Variants in CBL observed in about 807,000 individuals in gnomAD.
CBL encodes E3 ubiquitin-protein ligase CBL.
Under a neutral mutation model 96.9 loss-of-function variants are expected in CBL, and 45 were observed. That is an observed-to-expected ratio of 0.46 (90% CI 0.37 to 0.60). The LOEUF is 0.60. Ranked by LOEUF, CBL falls within the 20% of genes least tolerant of loss-of-function variation. CBL has a pLI of 0.00. For synonymous variants in CBL, 420 were observed against 426.8 expected (o/e 0.98, Z 0.20); for missense variants, 1,024 against 1,143.5 (o/e 0.90, Z 1.51).
At chr11:119,214,814 A>T (rs1384338427) in intron 1 of CBL, among the ~76,000 whole-genome samples, 1 of 151,348 alleles carries the variant, frequency 6.6e-6, no homozygotes, top group African/African-American at 2.4e-5. Context: ...CTCGCCCATT[A>T]GAGCTCCTTA....
intron 1 of CBL, among the ~76,000 whole-genome samples, chr11:119,208,755 A>T (rs886633645): frequency 6.6e-6 from 1 of 152,190 alleles, no homozygotes; most frequent in Non-Finnish European, 1.5e-5. Flanking sequence ...ATACAGAGTA[A>T]GTTGTAGATA....
intron 2 of CBL, 48 bp from the exon 3 acceptor site, chr11:119,271,687 A>G (rs1391466460): frequency 6.5e-7 from 1 of 1,540,414 alleles, no homozygotes; most frequent in Non-Finnish European, 9.0e-7. Context: ...TGCATTTAAA[A>G]TAAAAATAAT....
chr11:119,290,495 C>T (rs984187861), intron 12 of CBL, among the ~76,000 whole-genome samples: 5 of 149,370 alleles, frequency 3.3e-5, no homozygotes, highest in African/African-American at 1.2e-4. Context: ...ACTAAAAATA[C>T]AAAAAAATTA....
At chr11:119,207,807 G>T (rs902205396) in intron 1 of CBL, among the ~76,000 whole-genome samples, 45 of 152,238 alleles carry the variant, frequency 3.0e-4, no homozygotes, top group African/African-American at 1.1e-3. Flanking sequence ...GGTAAAATTT[G>T]GTTTTCTTTG....
chr11:119,222,829 A>C (rs1042412690), intron 1 of CBL, among the ~76,000 whole-genome samples: 1 of 152,152 alleles, frequency 6.6e-6, no homozygotes, highest in Non-Finnish European at 1.5e-5. Flanking sequence ...AAAAGAGGTT[A>C]TACATAATAA....
rs1950149006 is a variant in CBL, at chr11:119,307,044, T to A, written c.*7263T>A. ...GGAAATACCAGAGTCTGAGCTCCTC[T>A]ACCTTGAGTTTCATTAGTCCTTAGT... is the stretch of plus-strand genomic sequence containing the variant. On this transcript the variant is annotated 3_prime_UTR_variant, in exon 16 of 16. Coordinates refer to ENST00000264033, the MANE Select transcript of CBL (RefSeq NM_005188.4). 4.4e-6 allele frequency: 1 copy of A among 229,080 alleles called. No homozygotes were observed. Among genetic ancestry groups the A allele is most frequent in the Non-Finnish European group, 8.7e-6 (1 of 115,202 alleles). 14.2% of individuals were successfully genotyped at this position (229,080 alleles called of 1,614,324 possible).
At chr11:119,299,448 G>T (rs1220044601) in intron 15 of CBL, 47 bp from the exon 16 acceptor site, 1 of 1,543,582 alleles carries the variant, frequency 6.5e-7, no homozygotes, top group African/African-American at 1.4e-5. Context: ...GTTGTTAAAT[G>T]AGGATTTCCC....
At chr11:119,219,845 G>A (rs542126554) in intron 1 of CBL, among the ~76,000 whole-genome samples, 2 of 129,736 alleles carry the variant, frequency 1.5e-5, no homozygotes, top group East Asian at 5.5e-4. Flanking sequence ...CACCACGCCC[G>A]ACTATTTTTT....
intron 1 of CBL, among the ~76,000 whole-genome samples, chr11:119,210,244 C>T (rs951391642): frequency 3.3e-5 from 5 of 151,898 alleles, no homozygotes; most frequent in African/African-American, 1.2e-4. Context: ...ACATATTAGC[C>T]AGGCGTGGTG....
At chr11:119,263,723 T>G (rs1325662515) in intron 2 of CBL, among the ~76,000 whole-genome samples, 1 of 152,236 alleles carries the variant, frequency 6.6e-6, no homozygotes, top group Non-Finnish European at 1.5e-5. Context: ...CTTCATTGAC[T>G]TCCTGTGAGG....
intron 6 of CBL, among the ~76,000 whole-genome samples, chr11:119,277,072 C>G (rs1188142307): frequency 6.6e-6 from 1 of 152,056 alleles, no homozygotes; most frequent in Non-Finnish European, 1.5e-5. Flanking sequence ...ATGGCAAAAC[C>G]CTGTCTGTAC....
At chr11:119,249,508 C>T (rs374916646) in intron 2 of CBL, among the ~76,000 whole-genome samples, 27 of 146,778 alleles carry the variant, frequency 1.8e-4, no homozygotes, top group African/African-American at 3.3e-4. Flanking sequence ...TGAGGTGAGA[C>T]GCCACTGCAC....
chr11:119,253,554 T>A (rs970640977), intron 2 of CBL, among the ~76,000 whole-genome samples: 1 of 96 alleles, frequency 0.01, no homozygotes, highest in African/African-American at 0.05. Flanking sequence ...TAATCTCACC[T>A]ACTCGGGAGG....
Position 119,245,956 on chromosome 11 carries a change from C to CTTTTT in CBL, c.443+13291_443+13295dup, listed in dbSNP as rs71048054. 7.2e-3 allele frequency among the ~76,000 whole-genome samples: 390 copies of CTTTTT among 54,314 alleles called. 54 individuals are homozygous for CTTTTT. The highest frequency in any genetic ancestry group is 0.012 in the Admixed American group (33 of 2,728). The allele number at this position is 54,314 out of a possible 152,430, so 35.6% of individuals were successfully genotyped here. A position where few individuals can be genotyped will look rare whatever the true frequency, so the allele number is the denominator to read the frequency against. ...TAAGACAGACGCATTCTTTGCAAAT[C>CTTTTT]TTTTTTTTTTTTTTTTTTTTTTTTT... On this transcript the variant is annotated intron_variant, in intron 2 of 15. Coordinates refer to ENST00000264033, the MANE Select transcript of CBL (RefSeq NM_005188.4).
At chr11:119,243,920 G>T (rs1442726143) in intron 2 of CBL, among the ~76,000 whole-genome samples, 1 of 151,708 alleles carries the variant, frequency 6.6e-6, no homozygotes, top group Admixed American at 6.6e-5. Flanking sequence ...GTGGACATCG[G>T]GTCTCACTGT....
rs756706636 is a variant in CBL, at chr11:119,206,444, TG to T, written c.31del (p.Ala11ProfsTer15). 6.3e-7 allele frequency: 1 copy of T among 1,579,188 alleles called. No homozygotes were observed. Among genetic ancestry groups the T allele is most frequent in the East Asian group, 2.3e-5 (1 of 43,888 alleles). On this transcript the variant is annotated frameshift_variant, in exon 1 of 16. Coordinates refer to ENST00000264033, the MANE Select transcript of CBL (RefSeq NM_005188.4). LOFTEE classifies it high-confidence loss of function. MAGNVKKSS[G>X]AGGGSGSGGS... ...TGGCCGGCAACGTGAAGAAGAGCTC[TG>T]GGGCCGGGGGCGGCAGCGGCTCCGG...
chr11:119,240,267 G>A (rs919123450), intron 2 of CBL, among the ~76,000 whole-genome samples: 6 of 151,578 alleles, frequency 4.0e-5, no homozygotes, highest in Admixed American at 1.3e-4. Flanking sequence ...CTGCACTCCA[G>A]CCTGGGTGAC....
chr11:119,277,900 T>C, intron 7 of CBL, 56 bp downstream of exon 7: 1 of 1,183,402 alleles, frequency 8.5e-7, no homozygotes, highest in South Asian at 1.2e-5. Flanking sequence ...TAGTATATTC[T>C]TTATAGAACT....
intron 2 of CBL, among the ~76,000 whole-genome samples, chr11:119,271,327 TATTA>T (rs1244611727): frequency 6.6e-6 from 1 of 152,238 alleles, no homozygotes; most frequent in African/African-American, 2.4e-5. Flanking sequence ...TATTAAGCTT[TATTA>T]ATTCAAGATT....
Sources: allele counts gnomAD v4.1 joint callset (sites outside exome capture counted in the v4.1 genomes callset), GRCh38; gene constraint gnomAD v4.1.1; transcripts MANE v1.5; gene names NCBI Gene and HGNC (gene_info 2026-07-23, HGNC 2026-07-21).